The following FRMD5 variants were observed in gnomAD, a reference collection of about 807,000 sequenced individuals.
FRMD5 encodes FERM domain containing 5, also known as FERM domain-containing protein 5.
A neutral mutation model predicts 69.0 loss-of-function variants in FRMD5; 20 were observed. The ratio of observed to expected loss-of-function variants is 0.29; its 90% CI spans 0.20 to 0.42. The LOEUF (loss-of-function observed/expected upper bound fraction) is 0.42. Among genes scored for constraint, FRMD5 ranks in the 10% least tolerant of loss-of-function variants. The probability of loss-of-function intolerance (pLI) is 1.00; values close to 1 mark genes in which losing one functional copy is unlikely to be tolerated. For synonymous variants in FRMD5, 271 were observed against 260.1 expected, an observed-to-expected ratio of 1.04 and a Z score of -0.40; for missense variants, 595 against 708.6, an observed-to-expected ratio of 0.84 and a Z score of 1.82.
intron 1 of FRMD5, among the ~76,000 whole-genome samples, chr15:44,095,958 A>G (rs573061439): frequency 1.3e-5 from 2 of 152,234 alleles, no homozygotes; most frequent in East Asian, 3.9e-4. Context: ...TATAATCCCA[A>G]TACTTTGGGA....
At chr15:43,940,031 G>A (rs1040992228) in intron 1 of FRMD5, among the ~76,000 whole-genome samples, 4 of 152,144 alleles carry the variant, frequency 2.6e-5, no homozygotes, top group Admixed American at 1.3e-4. Flanking sequence ...ACAAAAATTA[G>A]CCAGGCTTGG....
At chr15:44,091,347 TATGCACACACAC>T (rs1345665589) in intron 1 of FRMD5, among the ~76,000 whole-genome samples, 2 of 152,086 alleles carry the variant, frequency 1.3e-5, no homozygotes, top group South Asian at 4.1e-4. Flanking sequence ...TATAGATATA[TATGCACACACAC>T]ACGCACATGC....
chr15:44,091,440 T>G (rs906136777), intron 1 of FRMD5, among the ~76,000 whole-genome samples: 3 of 152,170 alleles, frequency 2.0e-5, no homozygotes, highest in African/African-American at 7.2e-5. Context: ...AAAACATAAC[T>G]TATAAGTCTC....
chr15:43,954,446 G>A (rs566334795), intron 1 of FRMD5, among the ~76,000 whole-genome samples: 10 of 152,310 alleles, frequency 6.6e-5, no homozygotes, highest in African/African-American at 1.9e-4. Flanking sequence ...TACTTCAAAT[G>A]TAGGGGATGA....
At chr15:43,910,283 C>A (rs1432753324) in intron 4 of FRMD5, among the ~76,000 whole-genome samples, 9 of 152,188 alleles carry the variant, frequency 5.9e-5, no homozygotes, top group Admixed American at 5.9e-4. Flanking sequence ...AAGGAGCCAG[C>A]CCCAGTCGAT....
At chr15:43,918,794 A>G (rs2089441402) in intron 4 of FRMD5, among the ~76,000 whole-genome samples, 1 of 152,182 alleles carries the variant, frequency 6.6e-6, no homozygotes, top group Non-Finnish European at 1.5e-5. Flanking sequence ...TTCACAGTAA[A>G]TTTCGCTCAG....
At chr15:44,125,569 C>G (rs932053711) in intron 1 of FRMD5, among the ~76,000 whole-genome samples, 1 of 152,172 alleles carries the variant, frequency 6.6e-6, no homozygotes, top group Admixed American at 6.5e-5. Context: ...AAAGCCTCAG[C>G]TACAATTTCT....
intron 1 of FRMD5, among the ~76,000 whole-genome samples, chr15:44,161,551 C>T (rs1203717494): frequency 6.6e-6 from 1 of 152,096 alleles, no homozygotes; most frequent in African/African-American, 2.4e-5. Context: ...TATAATTTTC[C>T]AATAAAATAC....
At chr15:44,034,032 T>C (rs367598939) in intron 1 of FRMD5, among the ~76,000 whole-genome samples, 1 of 152,206 alleles carries the variant, frequency 6.6e-6, no homozygotes, top group Admixed American at 6.5e-5. Flanking sequence ...ATCTCTGATA[T>C]TGGTCATCAG....
chr15:43,951,377 G>A (rs924093242), intron 1 of FRMD5, among the ~76,000 whole-genome samples: 34 of 149,920 alleles, frequency 2.3e-4, no homozygotes, highest in South Asian at 4.2e-4. Context: ...AGCCAAGATC[G>A]CGCCACTGCA....
chr15:44,183,588 G>A (rs1266123462), intron 1 of FRMD5, among the ~76,000 whole-genome samples: 1 of 152,166 alleles, frequency 6.6e-6, no homozygotes, highest in Non-Finnish European at 1.5e-5. Context: ...ATGACTCATT[G>A]ATTGTTGAAT....
At chr15:43,900,487 A>G (rs2089018683) in intron 7 of FRMD5, among the ~76,000 whole-genome samples, 2 of 152,172 alleles carry the variant, frequency 1.3e-5, no homozygotes, top group African/African-American at 2.4e-5. Context: ...GGTAGGGAAG[A>G]TGACCAGGGT....
At chr15:44,120,950 T>G (rs1287171856) in intron 1 of FRMD5, among the ~76,000 whole-genome samples, 3 of 152,134 alleles carry the variant, frequency 2.0e-5, no homozygotes, top group Non-Finnish European at 2.9e-5. Flanking sequence ...GAACACAGCC[T>G]GAACTCAGTC....
At chr15:44,183,639 G>A (rs893555665) in intron 1 of FRMD5, among the ~76,000 whole-genome samples, 1 of 152,094 alleles carries the variant, frequency 6.6e-6, no homozygotes, top group Non-Finnish European at 1.5e-5. Context: ...GGCCCAGAGG[G>A]CTCCTTTAAA....
At chr15:44,045,098 T>C (rs974113297) in intron 1 of FRMD5, among the ~76,000 whole-genome samples, 4 of 152,226 alleles carry the variant, frequency 2.6e-5, no homozygotes, top group African/African-American at 9.6e-5. Flanking sequence ...CTTCATTTCA[T>C]TTAGAACTAA....
intron 1 of FRMD5, among the ~76,000 whole-genome samples, chr15:44,076,744 G>C (rs1181376899): frequency 6.7e-6 from 1 of 149,782 alleles, no homozygotes; most frequent in East Asian, 2.0e-4. Flanking sequence ...TGCACAATGT[G>C]CACATGTACC....
intron 7 of FRMD5, among the ~76,000 whole-genome samples, chr15:43,899,030 A>T (rs927359739): frequency 1.3e-5 from 2 of 152,182 alleles, no homozygotes. Flanking sequence ...TCATTTAATT[A>T]TCAAAATGAT....
At chr15:44,095,166 T>C (rs916861991) in intron 1 of FRMD5, among the ~76,000 whole-genome samples, 8 of 151,862 alleles carry the variant, frequency 5.3e-5, no homozygotes, top group Admixed American at 3.3e-4. Flanking sequence ...TTGGACTCCA[T>C]TCATCTAACA....
chr15:44,150,425 AG>A (rs1242977381), intron 1 of FRMD5, among the ~76,000 whole-genome samples: 10 of 151,484 alleles, frequency 6.6e-5, no homozygotes, highest in African/African-American at 2.4e-4. Context: ...CCCATCAAAA[AG>A]AAAAAAAAAA....
Sources: gnomAD v4.1 joint callset for allele counts (sites outside exome capture counted in the v4.1 genomes callset) on GRCh38, gnomAD v4.1.1 for gene constraint, MANE v1.5 for transcripts, NCBI Gene and HGNC (gene_info 2026-07-23, HGNC 2026-07-21) for gene names.